The following COG4 variants were observed in gnomAD, a reference collection of about 807,000 sequenced individuals.
COG4 encodes component of oligomeric golgi complex 4.
COG4 carries 65 observed loss-of-function variants against 95.1 expected under a neutral mutation model. The observed-to-expected ratio is 0.68, with a 90% confidence interval of 0.56 to 0.84. The LOEUF (loss-of-function observed/expected upper bound fraction) is 0.84. Among genes scored for constraint, COG4 ranks in the 40% least tolerant of loss-of-function variants. The pLI is 0.00. For missense variants in COG4, 1,045 were observed against 989.1 expected (o/e 1.06, Z -0.76); for synonymous variants, 421 against 374.8 (o/e 1.12, Z -1.42).
At chr16:70,485,578 GTTTTTTTTGTTTT>G (rs1567722711) in intron 13 of COG4, among the ~76,000 whole-genome samples, 6 of 137,560 alleles carry the variant, frequency 4.4e-5, no homozygotes. Flanking sequence ...CAAAAATCCT[GTTTTTTTTGTTTT>G]TTTTTTTTTT....
In COG4 at chr16:70,514,142, G is replaced by A. The variant is rs750153341; in HGVS notation, c.544+193C>T. Reference sequence around the variant, plus strand: ...GGAGAATCGCTTGAACCCAGAAGGCGGAGGTTGCAGTAAGCCAAGATGGCA... The same window carrying A: ...GGAGAATCGCTTGAACCCAGAAGGCAGAGGTTGCAGTAAGCCAAGATGGCA... On this transcript the variant is annotated intron_variant, in intron 4 of 18. Coordinates refer to ENST00000323786, the MANE Select transcript of COG4 (RefSeq NM_015386.3). 4.6e-5 allele frequency among the ~76,000 whole-genome samples: 7 copies of A among 152,048 alleles called. No individual in the cohort carries two copies. The South Asian group carries it at 6.2e-4, about 13-fold the overall frequency.
chr16:70,517,547 C>T lies in COG4; in HGVS notation c.369+79G>A, dbSNP rs555649453. The T allele has an allele frequency of 2.1e-4, 173 of 818,360 alleles. 1 individual carries two copies. In the South Asian group the frequency reaches 2.4e-3, roughly 12 times the overall value. 50.7% of individuals were successfully genotyped at this position (818,360 alleles called of 1,614,324 possible). A position where few individuals can be genotyped will look rare whatever the true frequency, so the allele number is the denominator to read the frequency against. ...GGGCTGTAGTGAGCTGTCATTGTAC[C>T]ACTGTACTCCAGCCTAGGTGACAGA... On this transcript the variant is annotated intron_variant, in intron 3 of 18. Transcript: ENST00000323786.
chr16:70,492,017 T>C (rs2049255372), intron 12 of COG4, among the ~76,000 whole-genome samples: 2 of 151,946 alleles, frequency 1.3e-5, no homozygotes, highest in South Asian at 4.2e-4. Context: ...AGTAAACAAA[T>C]GCATTATATA....
chr16:70,488,031 G>A (rs1279139272), intron 13 of COG4, among the ~76,000 whole-genome samples: 1 of 152,068 alleles, frequency 6.6e-6, no homozygotes, highest in Non-Finnish European at 1.5e-5. Context: ...CACTATGTTT[G>A]CCAGGCTGGT....
chr16:70,501,240 A>G (rs982318049), intron 8 of COG4, 149 bp from the exon 9 acceptor site: 40 of 760,412 alleles, frequency 5.3e-5, no homozygotes, highest in African/African-American at 1.2e-4. Flanking sequence ...TGCTGGCCCA[A>G]TTAGAATCAG....
intron 12 of COG4, among the ~76,000 whole-genome samples, chr16:70,495,118 C>T (rs1274524704): frequency 2.6e-5 from 4 of 151,672 alleles, no homozygotes; most frequent in African/African-American, 7.3e-5. Flanking sequence ...TAACCAGGCA[C>T]GGTAGCTCAT....
chr16:70,523,447 A>T lies in COG4; in HGVS notation c.97T>A (p.Ser33Thr). 6.2e-7 allele frequency: 1 copy of T among 1,614,010 alleles called. No homozygotes were observed. Among genetic ancestry groups the T allele is most frequent in the Non-Finnish European group, 8.5e-7 (1 of 1,180,008 alleles). Residue 33 changes from serine (S) to threonine (T), a missense_variant, in exon 1 of 19, where the codon TCC becomes ACC. Transcript: ENST00000323786. ...GTCAGGGAGCGAATGAGCTCAGCGG[A>T]GATTTCGGAGCAGCGGCCACCTCCC... ...GVGGGRCSEI[S>T]AELIRSLTEL...
intron 2 of COG4, 78 bp downstream of exon 2, chr16:70,519,571 A>G: frequency 9.7e-7 from 1 of 1,035,660 alleles, no homozygotes; most frequent in Non-Finnish European, 1.5e-6. Context: ...TTTATAACAG[A>G]AAGTTTAAAA....
intron 10 of COG4, 109 bp downstream of exon 10, chr16:70,497,828 G>C (rs1478925691): frequency 2.5e-6 from 2 of 790,398 alleles, no homozygotes; most frequent in African/African-American, 1.7e-5. Flanking sequence ...CTGCATGCAA[G>C]AGTATTCTCA....
intron 12 of COG4, among the ~76,000 whole-genome samples, chr16:70,495,658 T>C (rs1220447406): frequency 6.6e-6 from 1 of 152,198 alleles, no homozygotes; most frequent in African/African-American, 2.4e-5. Context: ...TTAGGATTCA[T>C]CTGTGGTCTT....
chr16:70,523,275 C>A, intron 1 of COG4, 98 bp downstream of exon 1: 1 of 1,438,274 alleles, frequency 7.0e-7, no homozygotes, highest in Non-Finnish European at 9.8e-7. Context: ...TTTTTTGTAT[C>A]CCCCAGCAAG....
At chr16:70,496,165 G>A in intron 12 of COG4, 101 bp downstream of exon 12, 2 of 1,248,978 alleles carry the variant, frequency 1.6e-6, no homozygotes, top group Admixed American at 3.7e-5. Context: ...AGACACTGGA[G>A]GAAAAGTCTC....
chr16:70,481,088 G>A lies in COG4; in HGVS notation c.2292C>T (p.Leu764=). 1 of 1,613,466 alleles carries A rather than the reference G, an allele frequency of 6.2e-7. No homozygotes were observed. The stretch of plus-strand genomic sequence containing the variant: ...GCACCTGGCGCACTTCAGCAGGGGT[G>A]AGGCGCCACGTCAATGGGCCGGAAT... ...GPNSGPLTWR[L]TPAEVRQVLA... Residue 764 remains leucine (L), a synonymous_variant, in exon 19 of 19, where the codon CTC becomes CTT. Transcript: ENST00000323786.
Position 70,500,928 on chromosome 16 carries a change from C to A in COG4, c.1195+30G>T, listed in dbSNP as rs373759374. On this transcript the variant is annotated intron_variant, in intron 9 of 18. Transcript: ENST00000323786. ...GAAACACTGCCAATTATACCTCAAC[C>A]CTCCCCAAAAATATGGGAAACGTTT... 2.5e-6 allele frequency: 4 copies of A among 1,613,642 alleles called. No homozygotes were observed. In the South Asian group the frequency reaches 3.3e-5, roughly 13 times the overall value.
chr16:70,514,471 G>T lies in COG4; in HGVS notation c.408C>A (p.Ile136=). ...CATCCATGCAGAACTTCAGGTCCAA[G>T]ATGTCATCAGCTCTCTGAATGGCCT... is the stretch of plus-strand genomic sequence containing the variant. The part of the protein sequence containing the change: ...LYQAIQRADD[I]LDLKFCMDGV... The change falls in exon 4 of 19, where the codon ATC becomes ATA. Residue 136 remains isoleucine, a synonymous_variant. Transcript: ENST00000323786. The T allele has an allele frequency of 6.2e-7, 1 of 1,614,074 alleles. No individual in the cohort carries two copies.
intron 5 of COG4, among the ~76,000 whole-genome samples, chr16:70,511,641 G>A (rs1431467565): frequency 6.6e-6 from 1 of 151,380 alleles, no homozygotes; most frequent in Non-Finnish European, 1.5e-5. Flanking sequence ...TGAGCTTTAA[G>A]AGTGATTCAG....
At chr16:70,489,510 C>G (rs1157956842) in intron 13 of COG4, among the ~76,000 whole-genome samples, 1 of 150,966 alleles carries the variant, frequency 6.6e-6, no homozygotes, top group Admixed American at 6.6e-5. Context: ...AGCCACCTCA[C>G]CTGGCCTTGA....
rs567414816 is a variant in COG4 at position 70,512,378 on chromosome 16, T to C, written c.599A>G (p.Lys200Arg). 8.1e-6 allele frequency: 13 copies of C among 1,614,184 alleles called. No individual in the cohort carries two copies. Among genetic ancestry groups the C allele is most frequent in the Non-Finnish European group, 1.1e-5 (13 of 1,180,028 alleles). Reference protein sequence around the residue: ...KLLQEAEQRLKAIVAEKFAIA... With the variant: ...KLLQEAEQRLRAIVAEKFAIA... ...GGCAAACTTCTCTGCCACAATGGCTTTGAGACGTTGCTCAGCTTCCTGCAG... is the reference window on the plus strand; with the variant it reads ...GGCAAACTTCTCTGCCACAATGGCTCTGAGACGTTGCTCAGCTTCCTGCAG... The change falls in exon 5 of 19, where the codon AAA becomes AGA. Residue 200 changes from lysine to arginine, a missense_variant. By Grantham distance (26) the Lys-to-Arg change is conservative. Coordinates refer to ENST00000323786, the MANE Select transcript of COG4 (RefSeq NM_015386.3).
chr16:70,523,322 C>T (rs1245612787), intron 1 of COG4, 51 bp downstream of exon 1: 2 of 1,606,320 alleles, frequency 1.2e-6, no homozygotes, highest in East Asian at 2.2e-5. Flanking sequence ...CGACTGAAGG[C>T]TCCCACTCTC....
Sources: allele counts gnomAD v4.1 joint callset (sites outside exome capture counted in the v4.1 genomes callset), GRCh38; gene constraint gnomAD v4.1.1; transcripts MANE v1.5; gene names NCBI Gene and HGNC (gene_info 2026-07-23, HGNC 2026-07-21).